NAPB: variants seen among roughly 807,000 people sequenced by gnomAD.
NAPB encodes the protein beta-soluble NSF attachment protein.
NAPB carries 26 observed loss-of-function variants against 44.7 expected under a neutral mutation model. The observed-to-expected ratio is 0.58, with a 90% CI of 0.43 to 0.81. The LOEUF is 0.81. Ranked by LOEUF, NAPB falls within the 30% of genes least tolerant of loss-of-function variation. NAPB has a pLI of 0.00. For synonymous variants in NAPB, 120 were observed against 116.8 expected, an observed-to-expected ratio of 1.03 and a Z score of -0.18; for missense variants, 315 against 356.4, an observed-to-expected ratio of 0.88 and a Z score of 0.94.
At chr20:23,385,319 G>A (rs1983408680) in intron 7 of NAPB, among the ~76,000 whole-genome samples, 1 of 152,164 alleles carries the variant, frequency 6.6e-6, no homozygotes, top group African/African-American at 2.4e-5. Flanking sequence ...ATTATGTAAT[G>A]ATAAAAGGGT....
At chr20:23,414,670 ACT>A (rs1985882131) in intron 1 of NAPB, among the ~76,000 whole-genome samples, 1 of 152,192 alleles carries the variant, frequency 6.6e-6, no homozygotes, top group Admixed American at 6.5e-5. Flanking sequence ...ACATTCTGAA[ACT>A]CTACTTCCAA....
chr20:23,415,691 G>C (rs758969143), intron 1 of NAPB, among the ~76,000 whole-genome samples: 1 of 152,190 alleles, frequency 6.6e-6, no homozygotes, highest in Non-Finnish European at 1.5e-5. Context: ...GCCTAGTACA[G>C]TGGCTAACAC....
In NAPB at chr20:23,390,052, G is replaced by A. The variant is rs202108618; in HGVS notation, c.477-22C>T. ...TGAGCTGAAATCAAGAACCAAAGCAGAGTGAGTAACAAGTCAATGGAAAAA... is the reference window on the plus strand; with the variant it reads ...TGAGCTGAAATCAAGAACCAAAGCAAAGTGAGTAACAAGTCAATGGAAAAA... On this transcript the variant is annotated intron_variant, in intron 6 of 10. Coordinates refer to ENST00000377026, the MANE Select transcript of NAPB (RefSeq NM_022080.3). The A allele has an allele frequency of 1.2e-4, 190 of 1,612,220 alleles. 1 individual carries two copies. The highest frequency in any genetic ancestry group is 1.6e-4 in the Non-Finnish European group (183 of 1,178,594).
rs1045605575 is a variant in NAPB, at chr20:23,374,595, C to T, written c.*2781G>A. 1.3e-5 allele frequency: 2 copies of T among 152,314 alleles called. No individual in the cohort carries two copies. Among genetic ancestry groups the T allele is most frequent in the Non-Finnish European group, 2.9e-5 (2 of 68,030 alleles). The allele number at this position is 152,314 out of a possible 1,614,324, so 9.4% of individuals were successfully genotyped here. Reference sequence around the variant, plus strand: ...CGTAATCCCCTGCCCCAGAGCAACTCAGGACTCCATGGAGCAGGAAGCCTG... The same window carrying T: ...CGTAATCCCCTGCCCCAGAGCAACTTAGGACTCCATGGAGCAGGAAGCCTG... On this transcript the variant is annotated 3_prime_UTR_variant, in exon 11 of 11. Coordinates refer to ENST00000377026, the MANE Select transcript of NAPB (RefSeq NM_022080.3).
intron 2 of NAPB, among the ~76,000 whole-genome samples, chr20:23,401,451 G>A (rs931658774): frequency 7.2e-5 from 11 of 152,152 alleles, no homozygotes; most frequent in African/African-American, 2.7e-4. Flanking sequence ...AATGTCAGGA[G>A]GCTAGAGCAT....
At chr20:23,401,860 T>A (rs1303006266) in intron 2 of NAPB, among the ~76,000 whole-genome samples, 2 of 152,206 alleles carry the variant, frequency 1.3e-5, no homozygotes, top group African/African-American at 4.8e-5. Context: ...TAGCTTGGGC[T>A]GCAGAGTGAG....
At chr20:23,408,512 A>G (rs1985419148) in intron 1 of NAPB, among the ~76,000 whole-genome samples, 1 of 152,000 alleles carries the variant, frequency 6.6e-6, no homozygotes, top group Admixed American at 6.6e-5. Flanking sequence ...ATACACAACT[A>G]CTCTGTGATA....
At chr20:23,406,927 G>T (rs766587532) in intron 1 of NAPB, among the ~76,000 whole-genome samples, 3 of 152,184 alleles carry the variant, frequency 2.0e-5, no homozygotes, top group Non-Finnish European at 4.4e-5. Context: ...TTTTATGCTA[G>T]ATATTTCCAT....
intron 10 of NAPB, among the ~76,000 whole-genome samples, chr20:23,378,617 T>C (rs1028081926): frequency 2.7e-5 from 4 of 149,162 alleles, no homozygotes; most frequent in African/African-American, 9.8e-5. Context: ...AATTTTTGTA[T>C]TTTTAGTAAA....
chr20:23,399,639 C>T (rs926226747), intron 2 of NAPB, among the ~76,000 whole-genome samples: 1 of 152,246 alleles, frequency 6.6e-6, no homozygotes, highest in African/African-American at 2.4e-5. Context: ...AGAAGCCCTG[C>T]TGGCCCCTTG....
chr20:23,390,062 CA>C lies in NAPB; in HGVS notation c.477-33del, dbSNP rs774996830. On this transcript the variant is annotated intron_variant, in intron 6 of 10. Coordinates refer to ENST00000377026, the MANE Select transcript of NAPB (RefSeq NM_022080.3). ...TCAAGAACCAAAGCAGAGTGAGTAA[CA>C]AGTCAATGGAAAAATAAAAGATGTG... is the stretch of plus-strand genomic sequence containing the variant. 9.3e-6 allele frequency: 15 copies of C among 1,608,582 alleles called. No homozygotes were observed. The Admixed American group carries it at 2.3e-4, about 25-fold the overall frequency.
At chr20:23,388,671 T>C (rs1983711452) in intron 7 of NAPB, among the ~76,000 whole-genome samples, 1 of 152,146 alleles carries the variant, frequency 6.6e-6, no homozygotes, top group Non-Finnish European at 1.5e-5. Context: ...ATAGTTCTAT[T>C]CAACAATTAG....
At chr20:23,404,803 C>T (rs1985115789) in intron 1 of NAPB, among the ~76,000 whole-genome samples, 1 of 152,232 alleles carries the variant, frequency 6.6e-6, no homozygotes, top group African/African-American at 2.4e-5. Context: ...TGTGATACCA[C>T]ATGGCTCCTG....
chr20:23,385,695 A>G (rs929879702), intron 7 of NAPB, among the ~76,000 whole-genome samples: 1 of 148,758 alleles, frequency 6.7e-6, no homozygotes, highest in Admixed American at 6.8e-5. Flanking sequence ...CCTGGGTGAC[A>G]GAGCAAGACT....
chr20:23,412,467 C>T (rs912281100), intron 1 of NAPB, among the ~76,000 whole-genome samples: 1 of 151,926 alleles, frequency 6.6e-6, no homozygotes, highest in Non-Finnish European at 1.5e-5. Flanking sequence ...CTTCATAATG[C>T]TAAAAATATA....
intron 1 of NAPB, among the ~76,000 whole-genome samples, chr20:23,412,729 T>C (rs569185004): frequency 1.4e-4 from 21 of 152,308 alleles, no homozygotes; most frequent in Non-Finnish European, 2.4e-4. Context: ...AAAGTATACA[T>C]GGGAGATTAC....
Position 23,377,483 on chromosome 20 carries a change from T to C in NAPB, c.790A>G (p.Lys264Glu). 1 of 1,590,290 alleles carries C rather than the reference T, an allele frequency of 6.3e-7. No individual in the cohort carries two copies. Among genetic ancestry groups the C allele is most frequent in the Non-Finnish European group, 8.6e-7 (1 of 1,163,764 alleles). ...AAGCGAGATATTGAGTCAAATTCCT[T>C]CACCTAGTATAAGGAAAGAGGAACA... ...QNSEAYTEAVKEFDSISRLDQ... is the reference protein window; with the variant it reads ...QNSEAYTEAVEEFDSISRLDQ... Residue 264 changes from lysine to glutamate, a missense_variant, in exon 11 of 11, where the codon AAG (lysine) becomes GAG (glutamate). Lys to Glu is a moderately conservative substitution (Grantham distance 56). This residue lies in a region of NAPB where 120 missense variants were observed against 130.5 expected (regional missense o/e 0.92). Transcript: ENST00000377026.
intron 8 of NAPB, 175 bp downstream of exon 8, chr20:23,381,038 T>A (rs958364891): frequency 1.7e-4 from 98 of 563,594 alleles, no homozygotes; most frequent in Non-Finnish European, 5.1e-5. Context: ...GAGAACAGCT[T>A]TGACAGCTGT....
At chr20:23,386,416 A>G (rs1983525654) in intron 7 of NAPB, among the ~76,000 whole-genome samples, 1 of 152,254 alleles carries the variant, frequency 6.6e-6, no homozygotes, top group East Asian at 1.9e-4. Context: ...AAAACACAGA[A>G]GAGGAAGAAG....
Sources: gnomAD v4.1 joint callset for allele counts (sites outside exome capture counted in the v4.1 genomes callset) on GRCh38, gnomAD v4.1.1 for gene constraint, gnomAD v4.1.1 regional missense constraint, MANE v1.5 for transcripts, NCBI Gene and HGNC (gene_info 2026-07-23, HGNC 2026-07-21) for gene names.